Variants in CPA6 observed in about 807,000 individuals in gnomAD.
The protein encoded by CPA6 is carboxypeptidase B.
CPA6 carries 58 observed loss-of-function variants against 63.3 expected under a neutral mutation model. The observed-to-expected ratio is 0.92, with a 90% CI of 0.74 to 1.14. The LOEUF (loss-of-function observed/expected upper bound fraction) is 1.14, where lower values mean the gene tolerates loss of function less well. Among genes scored for constraint, CPA6 ranks in the 50% most tolerant of loss-of-function variants. The pLI is 0.00. For synonymous variants in CPA6, 185 were observed against 179.0 expected (o/e 1.03, Z -0.27); for missense variants, 565 against 526.6 (o/e 1.07, Z -0.71).
intron 1 of CPA6, among the ~76,000 whole-genome samples, chr8:67,681,681 T>C (rs1816601946): frequency 6.6e-6 from 1 of 152,230 alleles, no homozygotes; most frequent in Admixed American, 6.5e-5. Flanking sequence ...TTTACTTCAT[T>C]GTCCTTGCAC....
At chr8:67,593,240 G>A (rs1401790177) in intron 2 of CPA6, among the ~76,000 whole-genome samples, 10 of 150,872 alleles carry the variant, frequency 6.6e-5, no homozygotes, top group African/African-American at 2.4e-4. Flanking sequence ...TTGCACTGTG[G>A]TCTGAGAGAC....
chr8:67,483,675 T>C (rs1329688510), intron 8 of CPA6, 93 bp downstream of exon 8: 1 of 989,410 alleles, frequency 1.0e-6, no homozygotes, highest in African/African-American at 1.6e-5. Context: ...CAGAAAAACA[T>C]GAGTCTCCCA....
At chr8:67,715,198 C>T (rs1479830952) in intron 1 of CPA6, among the ~76,000 whole-genome samples, 1 of 152,190 alleles carries the variant, frequency 6.6e-6, no homozygotes, top group Non-Finnish European at 1.5e-5. Context: ...AGCTCAGACC[C>T]TGCCACAGGT....
intron 8 of CPA6, among the ~76,000 whole-genome samples, chr8:67,461,640 G>A (rs1437461718): frequency 2.6e-5 from 4 of 152,146 alleles, no homozygotes; most frequent in Admixed American, 6.5e-5. Flanking sequence ...AGGGGCGGCC[G>A]GGCAGAGGTG....
intron 2 of CPA6, among the ~76,000 whole-genome samples, chr8:67,541,821 G>T (rs1047890431): frequency 6.6e-6 from 1 of 152,168 alleles, no homozygotes; most frequent in Non-Finnish European, 1.5e-5. Flanking sequence ...CCCTCTGTGG[G>T]CTGCATCCTC....
In CPA6 at chr8:67,503,468, ATT is replaced by A. The variant is rs869172205; in HGVS notation, c.636+3317_636+3318del. The stretch of plus-strand genomic sequence containing the variant: ...TGCACCACTATGCCCAGCTAATTAA[ATT>A]TTTTTTTTTTTTTTTTTTGTAGAGA... On this transcript the variant is annotated intron_variant, in intron 6 of 10. Transcript: ENST00000297770. Among the ~76,000 whole-genome samples the A allele has an allele frequency of 4.5e-3, 563 of 126,002 alleles. 3 individuals are homozygous for A. Among genetic ancestry groups the A allele is most frequent in the African/African-American group, 0.015 (478 of 31,702 alleles). 82.7% of individuals were successfully genotyped at this position (126,002 alleles called of 152,430 possible).
At chr8:67,662,546 A>G (rs1816139202) in intron 1 of CPA6, among the ~76,000 whole-genome samples, 1 of 144,610 alleles carries the variant, frequency 6.9e-6, no homozygotes, top group African/African-American at 2.7e-5. Context: ...TAGAATACAT[A>G]CACACGTATA....
intron 1 of CPA6, among the ~76,000 whole-genome samples, chr8:67,698,463 A>G (rs556804438): frequency 3.3e-5 from 5 of 152,290 alleles, no homozygotes; most frequent in South Asian, 2.1e-4. Context: ...GGATCCTCCA[A>G]TGTGCTCTTT....
At chr8:67,570,597 G>T (rs550352469) in intron 2 of CPA6, among the ~76,000 whole-genome samples, 2 of 152,148 alleles carry the variant, frequency 1.3e-5, no homozygotes, top group African/African-American at 4.8e-5. Flanking sequence ...AGAGTTGTAC[G>T]CAATAAAAGT....
At chr8:67,658,496 TC>T (rs1816039879) in intron 1 of CPA6, among the ~76,000 whole-genome samples, 1 of 152,116 alleles carries the variant, frequency 6.6e-6, no homozygotes, top group South Asian at 2.1e-4. Flanking sequence ...AGGGCCTCAT[TC>T]TCTTTTTATG....
chr8:67,591,448 G>T (rs1471875903), intron 2 of CPA6, among the ~76,000 whole-genome samples: 3 of 152,032 alleles, frequency 2.0e-5, no homozygotes. Flanking sequence ...TTGATGGGGA[G>T]GGCAATGAAT....
intron 8 of CPA6, among the ~76,000 whole-genome samples, chr8:67,463,036 A>G (rs1245347528): frequency 1.3e-5 from 2 of 152,244 alleles, no homozygotes; most frequent in Non-Finnish European, 1.5e-5. Context: ...TCATTTTAAT[A>G]TATGCATCTT....
chr8:67,715,386 C>T (rs1223782862), intron 1 of CPA6, among the ~76,000 whole-genome samples: 2 of 152,206 alleles, frequency 1.3e-5, no homozygotes, highest in Admixed American at 6.5e-5. Context: ...CTGCTGCCTT[C>T]ATTTAGTGAA....
At chr8:67,672,653 C>T (rs1816375138) in intron 1 of CPA6, among the ~76,000 whole-genome samples, 1 of 152,176 alleles carries the variant, frequency 6.6e-6, no homozygotes, top group Admixed American at 6.5e-5. Context: ...GGACAAAAAC[C>T]CGGAACAATT....
chr8:67,477,160 G>A (rs1330538907), intron 8 of CPA6, among the ~76,000 whole-genome samples: 4 of 151,680 alleles, frequency 2.6e-5, no homozygotes, highest in Middle Eastern at 3.4e-3. Flanking sequence ...GAGTGGTGGC[G>A]GGCACCTGTA....
At chr8:67,517,085 C>T (rs992208395) in intron 3 of CPA6, among the ~76,000 whole-genome samples, 5 of 152,036 alleles carry the variant, frequency 3.3e-5, no homozygotes, top group South Asian at 2.1e-4. Context: ...CGTGAGCCAC[C>T]GCACCCGGCC....
intron 1 of CPA6, among the ~76,000 whole-genome samples, chr8:67,710,028 G>A (rs554983702): frequency 2.0e-5 from 3 of 151,942 alleles, no homozygotes; most frequent in South Asian, 2.1e-4. Flanking sequence ...AAGAAGAATC[G>A]CTTGAACCCA....
chr8:67,624,364 AC>A (rs1418845957), intron 1 of CPA6, 113 bp from the exon 2 acceptor site: 3 of 554,652 alleles, frequency 5.4e-6, no homozygotes, highest in Non-Finnish European at 6.3e-6. Context: ...AAACAGTGAA[AC>A]TTTTCACTGG....
intron 1 of CPA6, among the ~76,000 whole-genome samples, chr8:67,627,329 T>C (rs116567001): frequency 0.018 from 2,717 of 152,326 alleles, 86 homozygotes; most frequent in African/African-American, 0.06. Flanking sequence ...AATTTGGTGC[T>C]AGAAACAGGG....
Sources: allele counts gnomAD v4.1 joint callset (sites outside exome capture counted in the v4.1 genomes callset), GRCh38; gene constraint gnomAD v4.1.1; transcripts MANE v1.5; gene names NCBI Gene and HGNC (gene_info 2026-07-23, HGNC 2026-07-21).